USH2A: variants seen among roughly 807,000 people sequenced by gnomAD.
USH2A encodes the protein usherin, also known as Usher syndrome 2A (autosomal recessive, mild).
In USH2A, 443 loss-of-function variants were observed where a neutral mutation model predicts 538.9. The ratio of observed to expected loss-of-function variants is 0.82; its 90% confidence interval spans 0.76 to 0.89. The LOEUF is 0.89. Ranked by LOEUF, USH2A falls within the 40% of genes least tolerant of loss-of-function variation. The probability of loss-of-function intolerance (pLI) is 0.00; values close to 1 mark genes in which losing one functional copy is unlikely to be tolerated. For synonymous variants in USH2A, 2,413 were observed against 2,273.5 expected, an observed-to-expected ratio of 1.06 and a Z score of -1.75; for missense variants, 6,633 against 6,324.8, an observed-to-expected ratio of 1.05 and a Z score of -1.65.
rs972092105 is a variant in USH2A at position 215,737,780 on chromosome 1, C to T, written c.11711+3595G>A. Among the ~76,000 whole-genome samples the T allele has an allele frequency of 1.1e-4, 16 of 152,082 alleles. 1 individual carries two copies. The highest frequency in any genetic ancestry group is 5.9e-4 in the Admixed American group (9 of 15,284). On this transcript the variant is annotated intron_variant, in intron 60 of 71. Transcript: ENST00000307340. ...ATTCCTTTGCCTTTGATTCAATGCT[C>T]GTCTTTTCTTAGTTAATTCAATCAG...
intron 52 of USH2A, among the ~76,000 whole-genome samples, chr1:215,784,333 C>T (rs546035310): frequency 7.9e-5 from 12 of 152,262 alleles, no homozygotes; most frequent in Non-Finnish European, 7.4e-5. Context: ...GATTCAGTTG[C>T]CTAGACCATC....
chr1:215,930,691 G>A (rs1666341194), intron 38 of USH2A, among the ~76,000 whole-genome samples: 1 of 151,952 alleles, frequency 6.6e-6, no homozygotes, highest in Non-Finnish European at 1.5e-5. Flanking sequence ...CAAATTAAGG[G>A]ACATCACCAA....
chr1:215,936,445 C>T (rs1196123977), intron 37 of USH2A, among the ~76,000 whole-genome samples: 1 of 152,036 alleles, frequency 6.6e-6, no homozygotes, highest in African/African-American at 2.4e-5. Flanking sequence ...TAGCAATGTG[C>T]TCTTTGCTAA....
At chr1:216,263,118 G>C (rs1030049461) in intron 11 of USH2A, among the ~76,000 whole-genome samples, 1 of 152,114 alleles carries the variant, frequency 6.6e-6, no homozygotes, top group African/African-American at 2.4e-5. Flanking sequence ...CAAGTAATGA[G>C]ATTGATTCAG....
intron 56 of USH2A, among the ~76,000 whole-genome samples, chr1:215,762,548 G>A (rs1661008946): frequency 6.6e-6 from 1 of 152,170 alleles, no homozygotes; most frequent in Admixed American, 6.6e-5. Flanking sequence ...ATAATATGGA[G>A]TTCAAATGTA....
At chr1:216,394,470 C>T (rs2039169636) in intron 3 of USH2A, among the ~76,000 whole-genome samples, 1 of 152,094 alleles carries the variant, frequency 6.6e-6, no homozygotes, top group Non-Finnish European at 1.5e-5. Flanking sequence ...CAACAGTATA[C>T]ATCCACAAAA....
intron 2 of USH2A, among the ~76,000 whole-genome samples, chr1:216,420,138 C>G (rs560836750): frequency 2.0e-5 from 3 of 151,772 alleles, no homozygotes. Context: ...TTATCCCTAC[C>G]CATCAGGTCT....
At chr1:215,971,359 A>G (rs1667490440) in intron 35 of USH2A, among the ~76,000 whole-genome samples, 1 of 152,310 alleles carries the variant, frequency 6.6e-6, no homozygotes, top group Non-Finnish European at 1.5e-5. Context: ...TTATATGACC[A>G]GGTCCAATCA....
intron 62 of USH2A, among the ~76,000 whole-genome samples, chr1:215,676,059 C>T (rs987290958): frequency 5.3e-5 from 8 of 152,170 alleles, no homozygotes; most frequent in Middle Eastern, 3.4e-3. Context: ...GGAATTACAA[C>T]GCTTAATCAT....
In USH2A at chr1:216,057,389, T is replaced by C. The variant is rs115595182; in HGVS notation, c.6050-8742A>G. Reference sequence around the variant, plus strand: ...CAAGATTTACATTTAAAGAAATATTTTGTAGCCTGTAATGCCAGCACTTTG... The same window carrying C: ...CAAGATTTACATTTAAAGAAATATTCTGTAGCCTGTAATGCCAGCACTTTG... On this transcript the variant is annotated intron_variant, in intron 30 of 71. Coordinates refer to ENST00000307340, the MANE Select transcript of USH2A (RefSeq NM_206933.4). Among the ~76,000 whole-genome samples the C allele has an allele frequency of 3.7e-3, 558 of 152,262 alleles. 7 individuals are homozygous for C. Among genetic ancestry groups the C allele is most frequent in the African/African-American group, 0.013 (538 of 41,554 alleles).
intron 61 of USH2A, among the ~76,000 whole-genome samples, chr1:215,727,300 A>G (rs1184547101): frequency 6.6e-6 from 1 of 152,126 alleles, no homozygotes; most frequent in Non-Finnish European, 1.5e-5. Flanking sequence ...TATATATTAT[A>G]CTAGCTTGTT....
intron 64 of USH2A, among the ~76,000 whole-genome samples, chr1:215,669,639 T>C (rs970100782): frequency 5.3e-5 from 8 of 152,232 alleles, no homozygotes; most frequent in Admixed American, 1.3e-4. Flanking sequence ...TTGGGTTTTG[T>C]TGCCAAATGA....
chr1:216,346,105 C>T (rs896588714), intron 4 of USH2A, among the ~76,000 whole-genome samples: 1 of 152,078 alleles, frequency 6.6e-6, no homozygotes, highest in African/African-American at 2.4e-5. Context: ...AATGGTCTGT[C>T]TTGAATTTTC....
intron 40 of USH2A, among the ~76,000 whole-genome samples, chr1:215,890,608 T>C (rs1332961711): frequency 1.3e-5 from 2 of 152,206 alleles, no homozygotes; most frequent in South Asian, 2.1e-4. Flanking sequence ...AATCACACTT[T>C]CCGTTTCAGT....
At chr1:216,219,521 C>T (rs1301096896) in intron 14 of USH2A, among the ~76,000 whole-genome samples, 1 of 152,028 alleles carries the variant, frequency 6.6e-6, no homozygotes, top group East Asian at 1.9e-4. Context: ...TATCCCTCCT[C>T]AAGAGTACCT....
In USH2A at chr1:215,889,163, TG is replaced by T. The variant is rs75163086; in HGVS notation, c.7595-110del. ...CTACAAGGATATGAAAATGAACACT[TG>T]GTAAAGGCCAATAAGTAAATAAATA... On this transcript the variant is annotated intron_variant, in intron 40 of 71. Transcript: ENST00000307340. 46,049 of 1,309,758 alleles carry T rather than the reference TG, an allele frequency of 0.035. 947 individuals carry two copies. The highest frequency in any genetic ancestry group is 0.065 in the East Asian group (2,660 of 40,676). The allele number at this position is 1,309,758 out of a possible 1,614,324, so 81.1% of individuals were successfully genotyped here.
intron 11 of USH2A, among the ~76,000 whole-genome samples, chr1:216,262,083 C>T (rs185553057): frequency 4.6e-5 from 7 of 152,076 alleles, no homozygotes; most frequent in South Asian, 2.1e-4. Context: ...TCCCTATAAG[C>T]GCTAGTCCAT....
intron 58 of USH2A, among the ~76,000 whole-genome samples, chr1:215,755,705 A>T (rs1200615257): frequency 2.0e-5 from 3 of 152,194 alleles, no homozygotes; most frequent in Non-Finnish European, 4.4e-5. Flanking sequence ...CCATTGGTTA[A>T]ATGGTCAGAG....
At chr1:216,347,589 A>T (rs1606356) in intron 4 of USH2A, among the ~76,000 whole-genome samples, 60,625 of 151,972 alleles carry the variant, frequency 0.4, 13,713 homozygotes, top group African/African-American at 0.63. Flanking sequence ...TGTATTTGTA[A>T]AAATATGTTA....
Sources: allele counts gnomAD v4.1 joint callset (sites outside exome capture counted in the v4.1 genomes callset), GRCh38; gene constraint gnomAD v4.1.1; transcripts MANE v1.5; gene names NCBI Gene and HGNC (gene_info 2026-07-23, HGNC 2026-07-21).